The following TDRD5 variants were observed in gnomAD, a reference collection of about 807,000 sequenced individuals.
TDRD5 encodes tudor domain containing 5, also known as tudor domain-containing protein 5.
A neutral mutation model predicts 120.6 loss-of-function variants in TDRD5; 41 were observed. That is an observed-to-expected ratio of 0.34 (90% CI 0.26 to 0.44). TDRD5 has a LOEUF of 0.44. Among genes scored for constraint, TDRD5 ranks in the 20% least tolerant of loss-of-function variants. TDRD5 has a pLI of 1.00. For synonymous variants in TDRD5, 430 were observed against 433.7 expected, an observed-to-expected ratio of 0.99 and a Z score of 0.11; for missense variants, 1,006 against 1,221.2, an observed-to-expected ratio of 0.82 and a Z score of 2.63.
intron 7 of TDRD5, among the ~76,000 whole-genome samples, chr1:179,633,022 G>A (rs1572374109): frequency 2.0e-5 from 3 of 152,194 alleles, no homozygotes; most frequent in Admixed American, 2.0e-4. Context: ...GTGTTGTATG[G>A]GTACTTGAAG....
At chr1:179,672,060 C>A (rs1679883777) in intron 17 of TDRD5, among the ~76,000 whole-genome samples, 1 of 150,276 alleles carries the variant, frequency 6.7e-6, no homozygotes, top group Admixed American at 6.7e-5. Context: ...TTTACCATTA[C>A]AAATTGTGCT....
intron 16 of TDRD5, among the ~76,000 whole-genome samples, chr1:179,668,696 A>G (rs946976034): frequency 6.7e-6 from 1 of 149,108 alleles, no homozygotes; most frequent in Non-Finnish European, 1.5e-5. Flanking sequence ...ATTTATGTTC[A>G]TTAGGATAGA....
At chr1:179,654,158 C>T in intron 13 of TDRD5, 43 bp from the exon 14 acceptor site, 1 of 1,452,180 alleles carries the variant, frequency 6.9e-7, no homozygotes. Context: ...TTGGAAACAG[C>T]ATTAATATTT....
intron 4 of TDRD5, among the ~76,000 whole-genome samples, chr1:179,597,338 T>C (rs1572324370): frequency 6.8e-6 from 1 of 146,752 alleles, no homozygotes; most frequent in South Asian, 2.2e-4. Flanking sequence ...TTTTCTTTTT[T>C]TTTTTTTTTT....
rs1413334698 is a variant in TDRD5, at chr1:179,690,931, G to A, written c.3096G>A (p.Arg1032=). The A allele has an allele frequency of 2.5e-6, 4 of 1,611,592 alleles. No individual in the cohort carries two copies. Among genetic ancestry groups the A allele is most frequent in the Non-Finnish European group, 2.5e-6 (3 of 1,178,340 alleles). ...TACACTGGTACCCCAGTGTGAAAAGGATGGAAGCATGAGGGAGGGAGGGAG... is the reference window on the plus strand; with the variant it reads ...TACACTGGTACCCCAGTGTGAAAAGAATGGAAGCATGAGGGAGGGAGGGAG... The part of the protein sequence containing the change: ...SLLHWYPSVK[R]MEA Residue 1032 remains arginine (R), a synonymous_variant, in exon 18 of 18, where the codon AGG becomes AGA. Coordinates refer to ENST00000444136, the MANE Select transcript of TDRD5 (RefSeq NM_001199085.3).
At chr1:179,681,461 T>C (rs2147808227) in intron 17 of TDRD5, among the ~76,000 whole-genome samples, 1 of 152,340 alleles carries the variant, frequency 6.6e-6, no homozygotes, top group East Asian at 1.9e-4. Context: ...TTTTGCTTTA[T>C]AGTCAATTAT....
At chr1:179,679,737 C>T (rs528986592) in intron 17 of TDRD5, among the ~76,000 whole-genome samples, 40 of 151,698 alleles carry the variant, frequency 2.6e-4, no homozygotes, top group Admixed American at 2.0e-3. Flanking sequence ...TTTTTCCCCC[C>T]GATCTAGAGG....
chr1:179,603,340 T>C (rs1675816298), intron 4 of TDRD5, among the ~76,000 whole-genome samples: 1 of 152,174 alleles, frequency 6.6e-6, no homozygotes, highest in Non-Finnish European at 1.5e-5. Flanking sequence ...AATTTGACTT[T>C]CTCTTTACTG....
intron 17 of TDRD5, among the ~76,000 whole-genome samples, chr1:179,673,226 G>A (rs889830011): frequency 3.9e-5 from 6 of 152,144 alleles, no homozygotes; most frequent in Non-Finnish European, 7.4e-5. Flanking sequence ...ACCCATCCAC[G>A]AGCATGAGAT....
intron 11 of TDRD5, among the ~76,000 whole-genome samples, chr1:179,649,064 GT>G (rs1449947589): frequency 6.6e-6 from 1 of 152,116 alleles, no homozygotes; most frequent in Non-Finnish European, 1.5e-5. Context: ...TTCCCTTATC[GT>G]TTTCTGAGAA....
At chr1:179,617,502 G>A (rs1676623615) in intron 4 of TDRD5, among the ~76,000 whole-genome samples, 1 of 152,010 alleles carries the variant, frequency 6.6e-6, no homozygotes, top group Non-Finnish European at 1.5e-5. Context: ...AGTAATGTCA[G>A]GCCAAGTAAG....
chr1:179,612,435 G>A (rs1210490166), intron 4 of TDRD5, among the ~76,000 whole-genome samples: 1 of 152,152 alleles, frequency 6.6e-6, no homozygotes, highest in African/African-American at 2.4e-5. Context: ...TGGGTGAATA[G>A]CATATGAATT....
At chr1:179,645,088 T>C (rs1248775375) in intron 11 of TDRD5, among the ~76,000 whole-genome samples, 10 of 135,966 alleles carry the variant, frequency 7.4e-5, no homozygotes, top group South Asian at 2.5e-4. Flanking sequence ...TTTTTTTTTT[T>C]TTTTTTTTTT....
At chr1:179,640,231 G>A (rs1012266882) in intron 10 of TDRD5, 148 bp from the exon 11 acceptor site, 2 of 1,048,778 alleles carry the variant, frequency 1.9e-6, no homozygotes, top group Admixed American at 4.2e-5. Flanking sequence ...TAACTCTTGT[G>A]TTATCTTTTA....
intron 4 of TDRD5, among the ~76,000 whole-genome samples, chr1:179,597,394 C>T (rs1408878631): frequency 1.4e-5 from 2 of 141,176 alleles, no homozygotes; most frequent in African/African-American, 2.6e-5. Context: ...TGCAATGGTG[C>T]GATCTCGGCT....
intron 14 of TDRD5, among the ~76,000 whole-genome samples, chr1:179,661,664 A>C (rs922665542): frequency 3.3e-5 from 5 of 152,124 alleles, no homozygotes; most frequent in African/African-American, 1.2e-4. Flanking sequence ...GTATCTGGAG[A>C]TCTAAGTCCT....
At chr1:179,607,607 T>A (rs1255294372) in intron 4 of TDRD5, among the ~76,000 whole-genome samples, 1 of 151,998 alleles carries the variant, frequency 6.6e-6, no homozygotes, top group Admixed American at 6.6e-5. Flanking sequence ...TTTTAACTTA[T>A]CACAATTGAC....
intron 17 of TDRD5, among the ~76,000 whole-genome samples, chr1:179,684,081 G>T (rs976091455): frequency 5.3e-5 from 8 of 151,926 alleles, no homozygotes; most frequent in African/African-American, 1.9e-4. Flanking sequence ...AAGTTTTAGG[G>T]TACATGTGCA....
intron 17 of TDRD5, among the ~76,000 whole-genome samples, chr1:179,683,024 T>TCC (rs1241398528): frequency 6.6e-6 from 1 of 151,918 alleles, no homozygotes; most frequent in Admixed American, 6.6e-5. Flanking sequence ...TTCTTCTCTC[T>TCC]CTCTCTCTGC....
Sources: gnomAD v4.1 joint callset for allele counts (sites outside exome capture counted in the v4.1 genomes callset) on GRCh38, gnomAD v4.1.1 for gene constraint, MANE v1.5 for transcripts, NCBI Gene and HGNC (gene_info 2026-07-23, HGNC 2026-07-21) for gene names.